Variants in PDE10A observed in about 807,000 individuals in gnomAD.
PDE10A encodes the protein cAMP and cAMP-inhibited cGMP 3',5'-cyclic phosphodiesterase 10A.
PDE10A carries 39 observed loss-of-function variants against 97.7 expected under a neutral mutation model. The ratio of observed to expected loss-of-function variants is 0.40; its 90% confidence interval spans 0.31 to 0.52. The LOEUF (loss-of-function observed/expected upper bound fraction) is 0.52. Among genes scored for constraint, PDE10A ranks in the 20% least tolerant of loss-of-function variants. PDE10A has a pLI of 0.56. For missense variants in PDE10A, 731 were observed against 1,047.8 expected (o/e 0.70, Z 4.17); for synonymous variants, 371 against 376.8 (o/e 0.98, Z 0.18).
chr6:165,907,163 T>C (rs1002013707), intron 1 of PDE10A, among the ~76,000 whole-genome samples: 1 of 152,220 alleles, frequency 6.6e-6, no homozygotes, highest in Admixed American at 6.5e-5. Flanking sequence ...TTCATGGTGA[T>C]GGGGCCAAAA....
intron 1 of PDE10A, among the ~76,000 whole-genome samples, chr6:165,899,293 G>A (rs556643553): frequency 8.5e-5 from 13 of 152,326 alleles, no homozygotes; most frequent in African/African-American, 2.6e-4. Flanking sequence ...ACTTCTGGTA[G>A]CAAGTTAAAG....
intron 1 of PDE10A, among the ~76,000 whole-genome samples, chr6:165,982,791 T>G (rs1356973343): frequency 6.6e-6 from 1 of 152,162 alleles, no homozygotes; most frequent in Non-Finnish European, 1.5e-5. Context: ...CCATACAGCT[T>G]TCCACATGTC....
At chr6:165,979,463 A>C (rs1216431071) in intron 1 of PDE10A, among the ~76,000 whole-genome samples, 1 of 152,264 alleles carries the variant, frequency 6.6e-6, no homozygotes, top group African/African-American at 2.4e-5. Context: ...TCATGAATAA[A>C]AAACTTTCAC....
intron 1 of PDE10A, among the ~76,000 whole-genome samples, chr6:165,723,761 G>C (rs982206977): frequency 2.6e-4 from 39 of 152,180 alleles, no homozygotes; most frequent in African/African-American, 9.2e-4. Flanking sequence ...CATGAATTCT[G>C]TTTCGGACTA....
chr6:165,970,005 G>A (rs1784621966), intron 1 of PDE10A, among the ~76,000 whole-genome samples: 1 of 152,186 alleles, frequency 6.6e-6, no homozygotes, highest in Non-Finnish European at 1.5e-5. Context: ...TTAAGCTAGT[G>A]ACCAAGTGGT....
chr6:165,740,705 A>G (rs1308556170), intron 1 of PDE10A, among the ~76,000 whole-genome samples: 1 of 152,186 alleles, frequency 6.6e-6, no homozygotes, highest in Non-Finnish European at 1.5e-5. Flanking sequence ...GTGAACCTGG[A>G]GGATATTATG....
intron 1 of PDE10A, chr6:165,775,873 A>T (rs906812944): frequency 1.3e-5 from 2 of 152,240 alleles, no homozygotes; most frequent in African/African-American, 2.4e-5. Flanking sequence ...CTCAAAACTT[A>T]TACTTAAATT....
intron 1 of PDE10A, among the ~76,000 whole-genome samples, chr6:165,936,811 T>C (rs925333045): frequency 1.1e-4 from 16 of 152,188 alleles, no homozygotes; most frequent in African/African-American, 3.9e-4. Flanking sequence ...TCCCCAATAT[T>C]CTCTCTTTTT....
intron 1 of PDE10A, among the ~76,000 whole-genome samples, chr6:165,551,784 A>T (rs949840073): frequency 6.6e-6 from 1 of 152,202 alleles, no homozygotes. Context: ...TCAATTGAAA[A>T]ATCTGACTGC....
intron 19 of PDE10A, among the ~76,000 whole-genome samples, chr6:165,342,739 C>T (rs9457076): frequency 0.094 from 14,359 of 152,254 alleles, 755 homozygotes; most frequent in Middle Eastern, 0.2. Flanking sequence ...GCCTAGGTAT[C>T]CGTGACTCAT....
chr6:165,649,918 T>C lies in PDE10A; in HGVS notation c.865+12029A>G, dbSNP rs114233390. 6.5e-3 allele frequency among the ~76,000 whole-genome samples: 993 copies of C among 152,314 alleles called. 13 individuals are homozygous for C. The highest frequency in any genetic ancestry group is 0.023 in the African/African-American group (944 of 41,566). On this transcript the variant is annotated intron_variant, in intron 1 of 21. Transcript: ENST00000539869. ...CACATCTTAAGCATGAAACCATCAA[T>C]TGCATCAGTCAGAAACTGTATTAAA...
intron 1 of PDE10A, among the ~76,000 whole-genome samples, chr6:165,962,277 T>C (rs1784384935): frequency 6.6e-6 from 1 of 152,232 alleles, no homozygotes; most frequent in East Asian, 1.9e-4. Flanking sequence ...ACAGGGAAGC[T>C]GGCCATTTGC....
chr6:165,448,528 A>C (rs1435145184), intron 5 of PDE10A, among the ~76,000 whole-genome samples: 2 of 152,114 alleles, frequency 1.3e-5, no homozygotes, highest in Non-Finnish European at 2.9e-5. Context: ...AAACTTTAAA[A>C]ATCACCCAGA....
intron 1 of PDE10A, among the ~76,000 whole-genome samples, chr6:165,636,647 T>C (rs183014036): frequency 2.0e-4 from 30 of 152,336 alleles, no homozygotes; most frequent in African/African-American, 7.0e-4. Flanking sequence ...TACTTACGGT[T>C]CACAAAAGGA....
chr6:165,781,144 T>A (rs997768796), intron 1 of PDE10A: 2 of 152,216 alleles, frequency 1.3e-5, no homozygotes, highest in African/African-American at 4.8e-5. Flanking sequence ...CCTCTGGTCT[T>A]CTCTTTGCTC....
intron 1 of PDE10A, among the ~76,000 whole-genome samples, chr6:165,962,198 A>G (rs1784382220): frequency 6.6e-6 from 1 of 152,224 alleles, no homozygotes; most frequent in African/African-American, 2.4e-5. Context: ...CTGACCAGAT[A>G]TCTATGTGTT....
intron 5 of PDE10A, among the ~76,000 whole-genome samples, chr6:165,448,597 C>G (rs1223329857): frequency 6.6e-6 from 1 of 152,172 alleles, no homozygotes; most frequent in Non-Finnish European, 1.5e-5. Flanking sequence ...AGAGAGGGTA[C>G]AGGCATTCCT....
chr6:165,329,434 T>C lies in PDE10A; in HGVS notation c.*3591A>G, dbSNP rs937951262. The C allele has an allele frequency of 6.6e-6, 1 of 152,194 alleles. No homozygotes were observed. The highest frequency in any genetic ancestry group is 2.4e-5 in the African/African-American group (1 of 41,440). 9.4% of individuals were successfully genotyped at this position (152,194 alleles called of 1,614,324 possible). The stretch of plus-strand genomic sequence containing the variant: ...AATAATAAATACATGAATGAAGAAG[T>C]AAAATTGCAGTATTTAAAATAAAGG... On this transcript the variant is annotated 3_prime_UTR_variant, in exon 22 of 22. Transcript: ENST00000539869.
chr6:165,367,016 T>A (rs184274960), intron 18 of PDE10A, among the ~76,000 whole-genome samples: 1 of 152,048 alleles, frequency 6.6e-6, no homozygotes, highest in Admixed American at 6.5e-5. Context: ...TAGAGTAAAA[T>A]CAGTCAACAA....
Sources: gnomAD v4.1 joint callset for allele counts (sites outside exome capture counted in the v4.1 genomes callset) on GRCh38, gnomAD v4.1.1 for gene constraint, MANE v1.5 for transcripts, NCBI Gene and HGNC (gene_info 2026-07-23, HGNC 2026-07-21) for gene names.